The following AGBL1 variants were observed in gnomAD, a reference collection of about 807,000 sequenced individuals.
AGBL1 encodes the protein AGBL carboxypeptidase 1, also known as cytosolic carboxypeptidase 4.
Under a neutral mutation model 118.9 loss-of-function variants are expected in AGBL1, and 130 were observed. That is an observed-to-expected ratio of 1.09 (90% CI 0.95 to 1.26). The LOEUF is 1.26. AGBL1 is among the 50% of genes most tolerant of loss of function. The pLI is 0.00. For missense variants in AGBL1, 1,584 were observed against 1,298.1 expected, an observed-to-expected ratio of 1.22 and a Z score of -3.38; for synonymous variants, 555 against 478.9, an observed-to-expected ratio of 1.16 and a Z score of -2.08.
intron 5 of AGBL1, among the ~76,000 whole-genome samples, chr15:86,223,956 A>C (rs1040671384): frequency 1.4e-4 from 22 of 152,072 alleles, no homozygotes; most frequent in African/African-American, 4.8e-4. Flanking sequence ...GATGGGGAGG[A>C]AGCAGAGGTG....
At chr15:86,441,908 G>T (rs2082068858) in intron 18 of AGBL1, among the ~76,000 whole-genome samples, 1 of 152,206 alleles carries the variant, frequency 6.6e-6, no homozygotes. Context: ...AACAGGGAAG[G>T]ATCAGAAGAA....
At chr15:86,470,788 T>C (rs2082469632) in intron 18 of AGBL1, among the ~76,000 whole-genome samples, 3 of 152,144 alleles carry the variant, frequency 2.0e-5, no homozygotes, top group South Asian at 2.1e-4. Context: ...TTTAATGCTA[T>C]TGTAAATGGG....
At chr15:86,468,143 T>G (rs1307768559) in intron 18 of AGBL1, among the ~76,000 whole-genome samples, 1 of 152,084 alleles carries the variant, frequency 6.6e-6, no homozygotes, top group East Asian at 1.9e-4. Flanking sequence ...CTGCAGATAC[T>G]TGGATAATTC....
chr15:86,654,477 T>G (rs2085430162), intron 21 of AGBL1, among the ~76,000 whole-genome samples: 2 of 152,196 alleles, frequency 1.3e-5, no homozygotes, highest in Non-Finnish European at 2.9e-5. Flanking sequence ...GGCACCACTC[T>G]TTACCCATGG....
intron 21 of AGBL1, among the ~76,000 whole-genome samples, chr15:86,577,524 G>C (rs1416743851): frequency 1.3e-5 from 2 of 152,190 alleles, no homozygotes; most frequent in African/African-American, 4.8e-5. Flanking sequence ...ATTTGCATAA[G>C]TAACAAGGAA....
At chr15:86,448,292 C>G (rs1459185057) in intron 18 of AGBL1, among the ~76,000 whole-genome samples, 1 of 152,148 alleles carries the variant, frequency 6.6e-6, no homozygotes, top group African/African-American at 2.4e-5. Context: ...TTTACGAACG[C>G]CATTTCCTGT....
At chr15:87,021,569 T>C (rs1471963223) in intron 24 of AGBL1, among the ~76,000 whole-genome samples, 1 of 152,022 alleles carries the variant, frequency 6.6e-6, no homozygotes, top group African/African-American at 2.4e-5. Context: ...ACCTACAAAA[T>C]AGGAGAAAAT....
At chr15:86,765,936 C>T (rs1255626232) in intron 22 of AGBL1, among the ~76,000 whole-genome samples, 1 of 152,002 alleles carries the variant, frequency 6.6e-6, no homozygotes, top group African/African-American at 2.4e-5. Context: ...GTTTAGTCAG[C>T]AACTATTTTC....
chr15:86,449,768 G>A (rs2082170204), intron 18 of AGBL1, among the ~76,000 whole-genome samples: 1 of 152,178 alleles, frequency 6.6e-6, no homozygotes, highest in African/African-American at 2.4e-5. Context: ...TGTTCAGTGA[G>A]GCAGATTCTG....
chr15:86,213,129 A>T (rs1325783640), intron 5 of AGBL1, among the ~76,000 whole-genome samples: 1 of 152,224 alleles, frequency 6.6e-6, no homozygotes, highest in African/African-American at 2.4e-5. Context: ...GGAACCGCAG[A>T]CCTTAGTTAG....
chr15:87,003,109 TG>T (rs1310139121), intron 24 of AGBL1, among the ~76,000 whole-genome samples: 1 of 152,180 alleles, frequency 6.6e-6, no homozygotes, highest in East Asian at 1.9e-4. Context: ...ATATTGGCTG[TG>T]GGTTTGTCAT....
At chr15:86,306,357 T>G (rs2079840498) in intron 17 of AGBL1, among the ~76,000 whole-genome samples, 1 of 152,142 alleles carries the variant, frequency 6.6e-6, no homozygotes, top group Admixed American at 6.5e-5. Flanking sequence ...CTCTTTATCT[T>G]CATGAGTTCA....
At chr15:86,084,389 A>G (rs1236202453) in intron 1 of AGBL1, among the ~76,000 whole-genome samples, 1 of 152,198 alleles carries the variant, frequency 6.6e-6, no homozygotes, top group Non-Finnish European at 1.5e-5. Flanking sequence ...TCCACTACTT[A>G]ACTTTCCTCT....
chr15:86,350,720 T>C (rs2080612257), intron 17 of AGBL1, among the ~76,000 whole-genome samples: 1 of 152,208 alleles, frequency 6.6e-6, no homozygotes, highest in African/African-American at 2.4e-5. Flanking sequence ...CTATCAGAGC[T>C]AGAGAATGAC....
chr15:86,525,613 G>GA (rs1420894432), intron 19 of AGBL1, among the ~76,000 whole-genome samples: 2 of 151,940 alleles, frequency 1.3e-5, no homozygotes, highest in African/African-American at 2.4e-5. Context: ...TGACCAAGTA[G>GA]AAAAAATATA....
chr15:86,749,628 T>G (rs912164426), intron 22 of AGBL1, among the ~76,000 whole-genome samples: 7 of 152,232 alleles, frequency 4.6e-5, no homozygotes, highest in Non-Finnish European at 1.0e-4. Flanking sequence ...GCCCATTCAG[T>G]TTGATATTGG....
chr15:86,352,257 A>T (rs1004462827), intron 17 of AGBL1, among the ~76,000 whole-genome samples: 1 of 152,142 alleles, frequency 6.6e-6, no homozygotes, highest in Non-Finnish European at 1.5e-5. Flanking sequence ...TGAGAGATGA[A>T]CTCTGACCAA....
At chr15:86,384,351 A>G (rs1289135027) in intron 17 of AGBL1, among the ~76,000 whole-genome samples, 1 of 152,160 alleles carries the variant, frequency 6.6e-6, no homozygotes, top group African/African-American at 2.4e-5. Flanking sequence ...TCTGCACCAC[A>G]GTTGCAAACA....
At position 86,827,382 on chromosome 15, in the gene AGBL1, TACAC is replaced by T. The variant is rs1260407737; in HGVS notation, c.3159-79703_3159-79700del. Among the ~76,000 whole-genome samples, 14 of 9,424 alleles carry T rather than the reference TACAC, an allele frequency of 1.5e-3. 2 individuals carry two copies. Among genetic ancestry groups the T allele is most frequent in the Admixed American group, 2.0e-3 (1 of 492 alleles). 6.2% of individuals were successfully genotyped at this position (9,424 alleles called of 152,430 possible). ...ATATATGTGTGTGTATATATATATA[TACAC>T]ATATATATATACATATATATATGTG... On this transcript the variant is annotated intron_variant, in intron 22 of 22. Transcript: ENST00000614907.
Sources: gnomAD v4.1 joint callset for allele counts (sites outside exome capture counted in the v4.1 genomes callset) on GRCh38, gnomAD v4.1.1 for gene constraint, MANE v1.5 for transcripts, NCBI Gene and HGNC (gene_info 2026-07-23, HGNC 2026-07-21) for gene names.